The following DGKG variants were observed in gnomAD, a reference collection of about 807,000 sequenced individuals.
DGKG encodes the protein diacylglycerol kinase gamma.
In DGKG, 78 loss-of-function variants were observed where a neutral mutation model predicts 105.3. That is an observed-to-expected ratio of 0.74 (90% CI 0.62 to 0.89). DGKG has a LOEUF of 0.89. Among genes scored for constraint, DGKG ranks in the 40% least tolerant of loss-of-function variants. The probability of loss-of-function intolerance (pLI) is 0.00; values close to 1 mark genes in which losing one functional copy is unlikely to be tolerated. For synonymous variants in DGKG, 346 were observed against 367.1 expected (o/e 0.94, Z 0.66); for missense variants, 958 against 1,020.1 (o/e 0.94, Z 0.83).
chr3:186,176,685 A>G (rs1445048228), intron 22 of DGKG, among the ~76,000 whole-genome samples: 2 of 152,206 alleles, frequency 1.3e-5, no homozygotes, highest in Non-Finnish European at 2.9e-5. Flanking sequence ...TTGTTTTTCT[A>G]ATCTATAAAA....
chr3:186,338,184 A>G (rs1286284377), intron 1 of DGKG, among the ~76,000 whole-genome samples: 6 of 151,880 alleles, frequency 4.0e-5, no homozygotes, highest in East Asian at 1.9e-4. Context: ...AAAAAAAAAA[A>G]AAAAGAAAGA....
At chr3:186,207,902 G>T (rs1256205355) in intron 21 of DGKG, among the ~76,000 whole-genome samples, 1 of 152,220 alleles carries the variant, frequency 6.6e-6, no homozygotes, top group Non-Finnish European at 1.5e-5. Context: ...ACTCCCTTCA[G>T]TTTCTCTTTT....
chr3:186,359,676 T>A (rs1378448615), intron 1 of DGKG, among the ~76,000 whole-genome samples: 1 of 152,136 alleles, frequency 6.6e-6, no homozygotes, highest in South Asian at 2.1e-4. Flanking sequence ...TTTAACACCA[T>A]GCAAAGTATA....
intron 2 of DGKG, among the ~76,000 whole-genome samples, chr3:186,307,324 A>G (rs1221095242): frequency 1.3e-5 from 2 of 152,150 alleles, no homozygotes; most frequent in Non-Finnish European, 2.9e-5. Flanking sequence ...TATTTATCCT[A>G]TTCCTCATTT....
intron 1 of DGKG, among the ~76,000 whole-genome samples, chr3:186,327,469 C>CTTGA (rs1470764066): frequency 2.6e-5 from 4 of 151,524 alleles, no homozygotes; most frequent in Non-Finnish European, 5.9e-5. Flanking sequence ...CCACAGCAGC[C>CTTGA]TTGAACTCCT....
chr3:186,256,119 T>G (rs1721456292), intron 17 of DGKG, among the ~76,000 whole-genome samples: 1 of 152,056 alleles, frequency 6.6e-6, no homozygotes, highest in South Asian at 2.1e-4. Flanking sequence ...AGCTTTTCCT[T>G]CCTTGGCTCC....
chr3:186,230,150 T>C (rs111244107), intron 20 of DGKG, among the ~76,000 whole-genome samples: 1 of 152,102 alleles, frequency 6.6e-6, no homozygotes, highest in East Asian at 1.9e-4. Flanking sequence ...CCCAGCTACT[T>C]GGGAGGCTGA....
At chr3:186,331,195 T>C (rs1039630640) in intron 1 of DGKG, among the ~76,000 whole-genome samples, 4 of 152,236 alleles carry the variant, frequency 2.6e-5, no homozygotes, top group Admixed American at 2.0e-4. Flanking sequence ...TAGCAGTAGC[T>C]GAAAACCACA....
chr3:186,236,440 T>C (rs1720424320), intron 20 of DGKG, among the ~76,000 whole-genome samples: 1 of 152,248 alleles, frequency 6.6e-6, no homozygotes, highest in South Asian at 2.1e-4. Flanking sequence ...TGTCACTAAA[T>C]ACTTATAGCA....
intron 1 of DGKG, among the ~76,000 whole-genome samples, chr3:186,326,416 A>G (rs900627432): frequency 9.3e-5 from 14 of 150,928 alleles, no homozygotes; most frequent in Admixed American, 9.2e-4. Flanking sequence ...AAATAGATGT[A>G]TGTACACAGA....
Position 186,257,902 on chromosome 3 carries a change from A to C in DGKG, c.1462T>G (p.Leu488Val). The change falls in exon 17 of 25, where the codon TTG becomes GTG. Residue 488 changes from leucine to valine, a missense_variant. By Grantham distance (32) the Leu-to-Val change is conservative (BLOSUM62 1). Coordinates refer to ENST00000265022, the MANE Select transcript of DGKG (RefSeq NM_001346.3). Reference sequence around the variant, plus strand: ...ACTGTCCCATCTCCACCACAGGCCAAAACACGGAAGTCTGGAGTATCACGG... The same window carrying C: ...ACTGTCCCATCTCCACCACAGGCCACAACACGGAAGTCTGGAGTATCACGG... ...FFRDTPDFRV[L>V]ACGGDGTVGW... 3 of 1,614,168 alleles carry C rather than the reference A, an allele frequency of 1.9e-6. No homozygotes were observed. Among genetic ancestry groups the C allele is most frequent in the Non-Finnish European group, 2.5e-6 (3 of 1,180,022 alleles).
rs532207463 is a variant in DGKG, at chr3:186,257,644, C to T, written c.1510+210G>A. 4.2e-5 allele frequency: 21 copies of T among 498,898 alleles called. No homozygotes were observed. In the East Asian group the frequency reaches 7.5e-4, roughly 18 times the overall value. The allele number at this position is 498,898 out of a possible 1,614,324, so 30.9% of individuals were successfully genotyped here. On this transcript the variant is annotated intron_variant, in intron 17 of 24. Coordinates refer to ENST00000265022, the MANE Select transcript of DGKG (RefSeq NM_001346.3). ...GGAAAGGCCTGAAACTAAACTGTTA[C>T]CTCCGTATTGGAGGGAATCATTCGA...
At chr3:186,246,712 C>T (rs867054836) in intron 19 of DGKG, among the ~76,000 whole-genome samples, 25 of 152,156 alleles carry the variant, frequency 1.6e-4, no homozygotes, top group African/African-American at 5.8e-4. Context: ...ATCCAAGAAT[C>T]TGCAGGAAAA....
chr3:186,261,822 TA>T, intron 14 of DGKG, 44 bp from the exon 15 acceptor site: 1 of 1,285,166 alleles, frequency 7.8e-7, no homozygotes, highest in Non-Finnish European at 1.1e-6. Flanking sequence ...CTTCATCCAA[TA>T]GGGGGCGTGA....
intron 20 of DGKG, among the ~76,000 whole-genome samples, chr3:186,228,213 C>T (rs180757361): frequency 6.6e-6 from 1 of 152,196 alleles, no homozygotes; most frequent in East Asian, 1.9e-4. Flanking sequence ...CGTTGGTTTC[C>T]ATAGTTTTTC....
intron 22 of DGKG, among the ~76,000 whole-genome samples, chr3:186,175,508 AG>A (rs1717031422): frequency 6.6e-6 from 1 of 152,072 alleles, no homozygotes; most frequent in East Asian, 1.9e-4. Flanking sequence ...GGTGCTTCAG[AG>A]GGGGAGGCAG....
chr3:186,275,743 C>T lies in DGKG; in HGVS notation c.793-79G>A, dbSNP rs1237739337. ...AGCCAGGGGCTGCCTCTTGCATGTT[C>T]TTCCTTTTCATCTCATTTAGAAGAT... On this transcript the variant is annotated intron_variant, in intron 9 of 24. Coordinates refer to ENST00000265022, the MANE Select transcript of DGKG (RefSeq NM_001346.3). 3.0e-5 allele frequency: 27 copies of T among 910,992 alleles called. No individual in the cohort carries two copies. The Admixed American group carries it at 5.1e-4, about 17-fold the overall frequency. The allele number at this position is 910,992 out of a possible 1,614,324, so 56.4% of individuals were successfully genotyped here.
intron 20 of DGKG, among the ~76,000 whole-genome samples, chr3:186,216,377 A>C (rs921600480): frequency 6.6e-6 from 1 of 152,080 alleles, no homozygotes; most frequent in Non-Finnish European, 1.5e-5. Flanking sequence ...GATATGTTCA[A>C]AATGGAAATG....
At chr3:186,326,202 G>A (rs1236324123) in intron 1 of DGKG, among the ~76,000 whole-genome samples, 2 of 152,094 alleles carry the variant, frequency 1.3e-5, no homozygotes, top group Non-Finnish European at 2.9e-5. Flanking sequence ...GACCAGCCTG[G>A]CCAACATGGC....
Sources: gnomAD v4.1 joint callset for allele counts (sites outside exome capture counted in the v4.1 genomes callset) on GRCh38, gnomAD v4.1.1 for gene constraint, MANE v1.5 for transcripts, NCBI Gene and HGNC (gene_info 2026-07-23, HGNC 2026-07-21) for gene names.